The following PADI2 variants were observed in gnomAD, a reference collection of about 807,000 sequenced individuals.
PADI2 encodes protein-arginine deiminase type-2.
In PADI2, 70 loss-of-function variants were observed where a neutral mutation model predicts 81.1. The observed-to-expected ratio is 0.86, with a 90% CI of 0.71 to 1.05. PADI2 has a LOEUF of 1.05. PADI2 is among the 50% of genes least tolerant of loss of function. The pLI is 0.00. For synonymous variants in PADI2, 338 were observed against 358.0 expected (o/e 0.94, Z 0.63); for missense variants, 853 against 889.9 (o/e 0.96, Z 0.53).
Position 17,086,430 on chromosome 1 carries a change from G to C in PADI2, c.834+91C>G. On this transcript the variant is annotated intron_variant, in intron 7 of 15. Coordinates refer to ENST00000375486, the MANE Select transcript of PADI2 (RefSeq NM_007365.3). ...CCCACCCCTTTGGCGCTTTGAGCAG[G>C]GTGGAGCATAGCATAGGAATGGCCC... The C allele has an allele frequency of 1.2e-5, 13 of 1,106,142 alleles. No homozygotes were observed. In the South Asian group the frequency reaches 1.7e-4, roughly 15 times the overall value. The allele number at this position is 1,106,142 out of a possible 1,614,324, so 68.5% of individuals were successfully genotyped here. A position where few individuals can be genotyped will look rare whatever the true frequency, so the allele number is the denominator to read the frequency against.
In PADI2 at chr1:17,069,212, C is replaced by T. The variant is rs778941615; in HGVS notation, c.1830G>A (p.Glu610=). 5 of 1,614,044 alleles carry T rather than the reference C, an allele frequency of 3.1e-6. No homozygotes were observed. The Admixed American group carries it at 6.7e-5, about 22-fold the overall frequency. The change falls in exon 16 of 16, where the codon GAG becomes GAA. Residue 610 remains glutamate (E), a synonymous_variant. Coordinates refer to ENST00000375486, the MANE Select transcript of PADI2 (RefSeq NM_007365.3). ...GCACGTGCATCTCCAGGCAGCATTC[C>T]TCCTCAACCTGTGGCCCGAATGGCT... ...IPKPFGPQVE[E]ECCLEMHVRG...
At chr1:17,098,019 C>T (rs1012994990) in intron 3 of PADI2, among the ~76,000 whole-genome samples, 3 of 152,290 alleles carry the variant, frequency 2.0e-5, no homozygotes, top group African/African-American at 7.2e-5. Flanking sequence ...CTCGGCCACT[C>T]CAGGGGAGGC....
intron 15 of PADI2, among the ~76,000 whole-genome samples, chr1:17,069,651 A>G (rs902680136): frequency 6.6e-6 from 1 of 151,798 alleles, no homozygotes; most frequent in African/African-American, 2.4e-5. Context: ...TCATGCGTGC[A>G]TGTGTGTTTC....
rs769201113 is a variant in PADI2 at position 17,069,035 on chromosome 1, C to G, written c.*9G>C. The stretch of plus-strand genomic sequence containing the variant: ...AGCGAAGGAGGCAAACGCCAGGGCC[C>G]CTGGCAGGTCAGGGCACCATGTGCC... On this transcript the variant is annotated 3_prime_UTR_variant, in exon 16 of 16. Coordinates refer to ENST00000375486, the MANE Select transcript of PADI2 (RefSeq NM_007365.3). 1.9e-6 allele frequency: 3 copies of G among 1,605,096 alleles called. No homozygotes were observed. Among genetic ancestry groups the G allele is most frequent in the Non-Finnish European group, 1.7e-6 (2 of 1,171,734 alleles).
chr1:17,080,133 A>T (rs1570982042), intron 10 of PADI2, among the ~76,000 whole-genome samples: 1 of 152,310 alleles, frequency 6.6e-6, no homozygotes, highest in East Asian at 1.9e-4. Flanking sequence ...AGGTAACCTG[A>T]GGAAGGGGAG....
intron 1 of PADI2, among the ~76,000 whole-genome samples, chr1:17,110,791 C>T (rs1411352414): frequency 6.6e-6 from 1 of 152,226 alleles, no homozygotes; most frequent in African/African-American, 2.4e-5. Context: ...TAACTCCATC[C>T]ATTTGCCCCC....
rs758118096 is a variant in PADI2, at chr1:17,105,020, G to A, written c.134C>T (p.Ser45Leu). ...AGAQTFSLKH[S>L]EHVWVEVVRD... ...CACCACCTCCACCCACACGTGTTCC[G>A]AGTGCTTCAGGCTGAAGGTTTGGGC... is the stretch of plus-strand genomic sequence containing the variant. Residue 45 changes from serine (S) to leucine (L), a missense_variant, in exon 2 of 16, where the codon TCG becomes TTG. By Grantham distance (145) the Ser-to-Leu change is moderately radical. Coordinates refer to ENST00000375486, the MANE Select transcript of PADI2 (RefSeq NM_007365.3). The A allele has an allele frequency of 1.1e-5, 18 of 1,602,668 alleles. No individual in the cohort carries two copies. The South Asian group carries it at 1.2e-4, about 11-fold the overall frequency.
Position 17,067,275 on chromosome 1 carries a change from ACT to A in PADI2, c.*1767_*1768del, listed in dbSNP as rs2078229689. 6.6e-6 allele frequency: 1 copy of A among 150,438 alleles called. No individual in the cohort carries two copies. Among genetic ancestry groups the A allele is most frequent in the African/African-American group, 2.4e-5 (1 of 40,950 alleles). The allele number at this position is 150,438 out of a possible 1,614,324, so 9.3% of individuals were successfully genotyped here. On this transcript the variant is annotated 3_prime_UTR_variant, in exon 16 of 16. Transcript: ENST00000375486. The stretch of plus-strand genomic sequence containing the variant: ...CCAAACACACACACACACATGACAA[ACT>A]CTAAGTCTCCAGACAGACACCCTCA...
chr1:17,109,695 T>C (rs1433654766), intron 1 of PADI2, among the ~76,000 whole-genome samples: 1 of 152,050 alleles, frequency 6.6e-6, no homozygotes, highest in Non-Finnish European at 1.5e-5. Context: ...TGCACTGTGT[T>C]GGCCTGGCTG....
At chr1:17,074,521 C>T (rs1371976436) in intron 13 of PADI2, among the ~76,000 whole-genome samples, 1 of 152,220 alleles carries the variant, frequency 6.6e-6, no homozygotes, top group Non-Finnish European at 1.5e-5. Flanking sequence ...AGGCATGAGC[C>T]ACCAGACCCA....
intron 11 of PADI2, among the ~76,000 whole-genome samples, chr1:17,077,802 G>C (rs1047439515): frequency 1.3e-5 from 2 of 152,164 alleles, no homozygotes; most frequent in Non-Finnish European, 2.9e-5. Flanking sequence ...CCCCATCTGT[G>C]CAGGCTCCTG....
Position 17,086,714 on chromosome 1 carries a change from A to T in PADI2, c.656-15T>A. The T allele has an allele frequency of 6.2e-7, 1 of 1,608,666 alleles. No homozygotes were observed. The highest frequency in any genetic ancestry group is 8.5e-7 in the Non-Finnish European group (1 of 1,176,348). On this transcript the variant is annotated splice_polypyrimidine_tract_variant and intron_variant, in intron 6 of 15. Coordinates refer to ENST00000375486, the MANE Select transcript of PADI2 (RefSeq NM_007365.3). Reference sequence around the variant, plus strand: ...GAAGAACGGGTCTGGAGGGAAAAGGACCAACGTCAGACTCCCACCCGCATC... The same window carrying T: ...GAAGAACGGGTCTGGAGGGAAAAGGTCCAACGTCAGACTCCCACCCGCATC...
At position 17,106,237 on chromosome 1, in the gene PADI2, A is replaced by G. The variant is rs573759141; in HGVS notation, c.93-1176T>C. Among the ~76,000 whole-genome samples, 4 of 152,246 alleles carry G rather than the reference A, an allele frequency of 2.6e-5. No homozygotes were observed. The South Asian group carries it at 6.2e-4, about 24-fold the overall frequency. On this transcript the variant is annotated intron_variant, in intron 1 of 15. Coordinates refer to ENST00000375486, the MANE Select transcript of PADI2 (RefSeq NM_007365.3). ...CCATTGCAAAGCAAATACTTTTGGA[A>G]TTCTTGAATTCCGAAATTCAAGAAC... is the stretch of plus-strand genomic sequence containing the variant.
intron 6 of PADI2, 135 bp from the exon 7 acceptor site, chr1:17,086,834 AC>A: frequency 1.4e-6 from 1 of 692,316 alleles, no homozygotes; most frequent in Non-Finnish European, 2.5e-6. Context: ...AGAAAATGCC[AC>A]CAGAATGGCC....
At chr1:17,088,567 A>ATG (rs1930550207) in intron 6 of PADI2, among the ~76,000 whole-genome samples, 2 of 152,178 alleles carry the variant, frequency 1.3e-5, no homozygotes, top group Admixed American at 1.3e-4. Flanking sequence ...ATGACTTCCA[A>ATG]TGTCAGAGGG....
chr1:17,106,701 C>T (rs1407692200), intron 1 of PADI2, among the ~76,000 whole-genome samples: 1 of 151,976 alleles, frequency 6.6e-6, no homozygotes, highest in Non-Finnish European at 1.5e-5. Flanking sequence ...CCTCAGCCTC[C>T]CAAAGTGCTG....
At chr1:17,107,399 G>A (rs1364430969) in intron 1 of PADI2, among the ~76,000 whole-genome samples, 1 of 152,190 alleles carries the variant, frequency 6.6e-6, no homozygotes, top group Non-Finnish European at 1.5e-5. Context: ...CAGTGGCCAG[G>A]GTTGAATGAC....
At chr1:17,114,053 G>T (rs567347095) in intron 1 of PADI2, among the ~76,000 whole-genome samples, 1 of 152,244 alleles carries the variant, frequency 6.6e-6, no homozygotes, top group Admixed American at 6.5e-5. Context: ...AAGGCATCCC[G>T]TTTGGGGTTG....
chr1:17,083,490 G>T, intron 9 of PADI2: 1 of 489,440 alleles, frequency 2.0e-6, no homozygotes, highest in South Asian at 3.2e-5. Context: ...CGGGAAGGCC[G>T]TTACTCAGTC....
Sources: gnomAD v4.1 joint callset for allele counts (sites outside exome capture counted in the v4.1 genomes callset) on GRCh38, gnomAD v4.1.1 for gene constraint, MANE v1.5 for transcripts, NCBI Gene and HGNC (gene_info 2026-07-23, HGNC 2026-07-21) for gene names.